The following MYT1L variants were observed in gnomAD, a reference collection of about 807,000 sequenced individuals.
MYT1L encodes the protein myelin transcription factor 1-like protein.
MYT1L carries 12 observed loss-of-function variants against 126.7 expected under a neutral mutation model. The observed-to-expected ratio is 0.09, with a 90% CI of 0.06 to 0.15. MYT1L has a LOEUF of 0.15. Ranked by LOEUF, MYT1L falls within the 10% of genes least tolerant of loss-of-function variation. The probability of loss-of-function intolerance (pLI) is 1.00; values close to 1 mark genes in which losing one functional copy is unlikely to be tolerated. For missense variants in MYT1L, 979 were observed against 1,585.2 expected (o/e 0.62, Z 6.49); for synonymous variants, 541 against 604.2 (o/e 0.90, Z 1.53).
At chr2:2,329,311 G>A (rs557965169) in intron 1 of MYT1L, among the ~76,000 whole-genome samples, 1 of 151,572 alleles carries the variant, frequency 6.6e-6, no homozygotes, top group South Asian at 2.1e-4. Flanking sequence ...TGTGGGTGGG[G>A]GTGGGGAGGA....
chr2:2,127,788 C>T (rs2081909150), intron 3 of MYT1L, among the ~76,000 whole-genome samples: 1 of 152,182 alleles, frequency 6.6e-6, no homozygotes, highest in East Asian at 1.9e-4. Context: ...GAAGGCTCCT[C>T]CCAGAATCAC....
chr2:2,046,484 C>T (rs2068203794), intron 4 of MYT1L, among the ~76,000 whole-genome samples: 1 of 152,088 alleles, frequency 6.6e-6, no homozygotes, highest in African/African-American at 2.4e-5. Context: ...TAAAAATAGC[C>T]AACATTTCTA....
intron 4 of MYT1L, among the ~76,000 whole-genome samples, chr2:2,004,256 G>GCGTTCTTTCCTGCAC (rs1558697594): frequency 2.6e-4 from 19 of 73,686 alleles, no homozygotes; most frequent in Non-Finnish European, 4.0e-4. Context: ...CTTTCCTGCA[G>GCGTTCTTTCCTGCAC]GCGTTCTTTC....
chr2:2,176,028 G>A (rs891337164), intron 2 of MYT1L, among the ~76,000 whole-genome samples: 6 of 152,162 alleles, frequency 3.9e-5, no homozygotes, highest in East Asian at 1.9e-4. Context: ...CAAGTTAAAC[G>A]GATTTCAGTT....
At position 1,991,254 on chromosome 2, in the gene MYT1L, G is replaced by A. The variant is rs1002998779; in HGVS notation, c.-1+5937C>T. 7.2e-5 allele frequency among the ~76,000 whole-genome samples: 11 copies of A among 152,098 alleles called. No homozygotes were observed. In the East Asian group the frequency reaches 7.7e-4, roughly 11 times the overall value. ...GGGGCTCCTGTTGGATCCCACCTAC[G>A]CTTCCACATCAGCCCCTGCCGCCGC... On this transcript the variant is annotated intron_variant, in intron 5 of 24. Coordinates refer to ENST00000647738, the MANE Select transcript of MYT1L (RefSeq NM_001303052.2).
chr2:2,245,135 G>A (rs991363533), intron 2 of MYT1L, among the ~76,000 whole-genome samples: 10 of 152,132 alleles, frequency 6.6e-5, no homozygotes, highest in Non-Finnish European at 1.5e-4. Flanking sequence ...GCTAACTATT[G>A]CACCAAGAGT....
At chr2:2,296,538 C>T (rs2095696738) in intron 1 of MYT1L, among the ~76,000 whole-genome samples, 2 of 152,102 alleles carry the variant, frequency 1.3e-5, no homozygotes, top group South Asian at 2.1e-4. Flanking sequence ...AGCATTTCAG[C>T]AGTGGAGCAG....
chr2:2,202,317 A>G (rs1245715143), intron 2 of MYT1L, among the ~76,000 whole-genome samples: 1 of 152,230 alleles, frequency 6.6e-6, no homozygotes, highest in African/African-American at 2.4e-5. Flanking sequence ...CCTTCAAAAA[A>G]TCAATGAATC....
intron 2 of MYT1L, among the ~76,000 whole-genome samples, chr2:2,177,421 G>A (rs11675244): frequency 0.1 from 15,419 of 152,232 alleles, 753 homozygotes; most frequent in East Asian, 0.13. Flanking sequence ...TCCTTAAGAT[G>A]TGTAGCAAAG....
At position 2,295,537 on chromosome 2, in the gene MYT1L, T is replaced by TAGAGAGAGAGACAGAGAGACAGACAGAC. The variant is rs1559582621; in HGVS notation, c.-520-11035_-520-11034insGTCTGTCTGTCTCTCTGTCTCTCTCTCT. 2.8e-4 allele frequency among the ~76,000 whole-genome samples: 9 copies of TAGAGAGAGAGACAGAGAGACAGACAGAC among 32,510 alleles called. 1 individual carries two copies. The highest frequency in any genetic ancestry group is 9.1e-4 in the African/African-American group (9 of 9,848). 21.3% of individuals were successfully genotyped at this position (32,510 alleles called of 152,430 possible). On this transcript the variant is annotated intron_variant, in intron 1 of 24. Coordinates refer to ENST00000647738, the MANE Select transcript of MYT1L (RefSeq NM_001303052.2). ...GGGGCAGAGGAGGTGCAGAGAAAGA[T>TAGAGAGAGAGACAGAGAGACAGACAGAC]AGAGAGAGAGAGAGAGAGACAGACA...
chr2:1,849,288 A>AGAT (rs2042908184), intron 19 of MYT1L, among the ~76,000 whole-genome samples: 1 of 152,220 alleles, frequency 6.6e-6, no homozygotes, highest in African/African-American at 2.4e-5. Context: ...CGCTTTTCTA[A>AGAT]GATGAAATAA....
intron 4 of MYT1L, among the ~76,000 whole-genome samples, chr2:2,028,476 C>A (rs767077151): frequency 2.0e-5 from 3 of 151,982 alleles, no homozygotes; most frequent in Non-Finnish European, 2.9e-5. Context: ...TATGTAGTGG[C>A]AGAGTAGGAA....
In MYT1L at chr2:1,922,383, C is replaced by A. The variant is rs2053673755; in HGVS notation, c.1386G>T (p.Met462Ile). Residue 462 changes from methionine (M) to isoleucine (I), a missense_variant, in exon 10 of 25, where the codon ATG becomes ATT. By Grantham distance (10) the Met-to-Ile change is conservative. This residue lies in a region of MYT1L where 67 missense variants were observed against 80.3 expected (regional missense o/e 0.83). Transcript: ENST00000647738. The surrounding 1 kb of genome is among the most constrained non-coding windows in gnomAD (Gnocchi z 7.4). The part of the protein sequence containing the change: ...MAMEAGRRDN[M>I]RSYEDQSPRQ... ...TCGGAGACTGGTCCTCATATGACCT[C>A]ATATTGTCCCTCCTCCCAGCTTCCA... The A allele has an allele frequency of 6.2e-6, 10 of 1,613,874 alleles. No individual in the cohort carries two copies. The highest frequency in any genetic ancestry group is 8.5e-6 in the Non-Finnish European group (10 of 1,179,900).
chr2:2,231,015 C>G (rs546952010), intron 2 of MYT1L, among the ~76,000 whole-genome samples: 1 of 152,254 alleles, frequency 6.6e-6, no homozygotes, highest in East Asian at 1.9e-4. Flanking sequence ...ACCCAGCCCC[C>G]ACCCCCAGAC....
chr2:1,882,866 C>T (rs766647361), intron 18 of MYT1L, among the ~76,000 whole-genome samples: 2 of 152,198 alleles, frequency 1.3e-5, no homozygotes, highest in African/African-American at 4.8e-5. Context: ...AAAGCAACAT[C>T]TTGACCTACA....
chr2:2,108,629 G>C (rs988667369), intron 3 of MYT1L, among the ~76,000 whole-genome samples: 1 of 152,170 alleles, frequency 6.6e-6, no homozygotes, highest in Non-Finnish European at 1.5e-5. Context: ...AATCAGCATT[G>C]CTTAAAAGCT....
intron 2 of MYT1L, among the ~76,000 whole-genome samples, chr2:2,220,035 G>A (rs1307441710): frequency 1.3e-5 from 2 of 152,160 alleles, no homozygotes; most frequent in Non-Finnish European, 2.9e-5. Context: ...AAGCGCATTT[G>A]CACAGTGAGT....
chr2:1,943,969 G>A lies in MYT1L; in HGVS notation c.153-635C>T, dbSNP rs1219080572. ...CAGTCTTAGATGTTATTAGTCCCACGCCAGCATTCCAGAAAACAACTTCAG... is the reference window on the plus strand; with the variant it reads ...CAGTCTTAGATGTTATTAGTCCCACACCAGCATTCCAGAAAACAACTTCAG... On this transcript the variant is annotated intron_variant, in intron 8 of 24. Transcript: ENST00000647738. This position sits in a 1 kb window ranked among gnomAD's most constrained non-coding sequence, Gnocchi z 4.4. Among the ~76,000 whole-genome samples, 2 of 152,202 alleles carry A rather than the reference G, an allele frequency of 1.3e-5. No individual in the cohort carries two copies. The highest frequency in any genetic ancestry group is 4.8e-5 in the African/African-American group (2 of 41,524).
intron 2 of MYT1L, among the ~76,000 whole-genome samples, chr2:2,281,536 GA>G (rs2095446676): frequency 6.6e-6 from 1 of 152,218 alleles, no homozygotes; most frequent in African/African-American, 2.4e-5. Context: ...GTCAACAACT[GA>G]GGCCAAAATG....
Sources: gnomAD v4.1 joint callset for allele counts (sites outside exome capture counted in the v4.1 genomes callset) on GRCh38, gnomAD v4.1.1 for gene constraint, gnomAD v4.1.1 regional missense constraint, Gnocchi (gnomAD v3.1) non-coding constraint, MANE v1.5 for transcripts, NCBI Gene and HGNC (gene_info 2026-07-23, HGNC 2026-07-21) for gene names.